Variants in COX7B2 observed in about 807,000 individuals in gnomAD.
COX7B2 encodes cytochrome c oxidase subunit 7B2.
For missense variants in COX7B2, 109 were observed against 95.9 expected (o/e 1.14, Z -0.57); for synonymous variants, 37 against 32.1 (o/e 1.15, Z -0.51).
chr4:46,896,032 A>G (rs1719736381), intron 1 of COX7B2, among the ~76,000 whole-genome samples: 1 of 152,220 alleles, frequency 6.6e-6, no homozygotes, highest in Non-Finnish European at 1.5e-5. Context: ...AGTTATTATT[A>G]AACACACAAA....
intron 1 of COX7B2, among the ~76,000 whole-genome samples, chr4:46,903,046 A>C (rs897284394): frequency 1.3e-5 from 2 of 152,196 alleles, no homozygotes. Flanking sequence ...AATTCCAAGA[A>C]TATAATTCTA....
intron 1 of COX7B2, among the ~76,000 whole-genome samples, chr4:46,864,210 C>T (rs1717503493): frequency 6.6e-6 from 1 of 152,168 alleles, no homozygotes; most frequent in Non-Finnish European, 1.5e-5. Context: ...TGTTAAGTAT[C>T]CCCACTGCCA....
At chr4:46,742,434 T>A (rs79759020) in intron 2 of COX7B2, among the ~76,000 whole-genome samples, 3,003 of 152,260 alleles carry the variant, frequency 0.02, 50 homozygotes, top group Non-Finnish European at 0.033. Context: ...AGGGATTAAG[T>A]GTACACGGTG....
chr4:46,812,820 C>G (rs1399477442), intron 2 of COX7B2, among the ~76,000 whole-genome samples: 1 of 152,146 alleles, frequency 6.6e-6, no homozygotes, highest in Non-Finnish European at 1.5e-5. Flanking sequence ...GTCAGCAGAG[C>G]CTCTGGATCA....
rs556860019 is a variant in COX7B2 at position 46,893,534 on chromosome 4, C to G, written c.-105+15626G>C. Among the ~76,000 whole-genome samples the G allele has an allele frequency of 5.3e-5, 8 of 152,204 alleles. 1 individual carries two copies. In the South Asian group the frequency reaches 1.7e-3, roughly 32 times the overall value. ...TAAATGTTTAAGAAATACATTCAGG[C>G]CTGAATGAGTTCTGTGGCAATAGCT... On this transcript the variant is annotated intron_variant, in intron 1 of 2. Transcript: ENST00000355591.
intron 2 of COX7B2, among the ~76,000 whole-genome samples, chr4:46,760,355 C>T (rs1168877734): frequency 1.3e-5 from 2 of 152,152 alleles, no homozygotes; most frequent in South Asian, 2.1e-4. Flanking sequence ...GGCACATATA[C>T]ACCATGGAAT....
intron 2 of COX7B2, among the ~76,000 whole-genome samples, chr4:46,764,974 C>G (rs1255133797): frequency 6.6e-6 from 1 of 151,716 alleles, no homozygotes; most frequent in Non-Finnish European, 1.5e-5. Context: ...AAGATAAATC[C>G]TTATTCTGAA....
In COX7B2 at chr4:46,872,547, G is replaced by A. The variant is rs145090338; in HGVS notation, c.-104-27533C>T. ...CAAGCAAAGCCAAGAACTATCCCAA[G>A]CTAAACTACAATTTGGGGGCTTACC... is the stretch of plus-strand genomic sequence containing the variant. On this transcript the variant is annotated intron_variant, in intron 1 of 2. Coordinates refer to ENST00000355591, the MANE Select transcript of COX7B2 (RefSeq NM_130902.3). Among the ~76,000 whole-genome samples, 553 of 152,210 alleles carry A rather than the reference G, an allele frequency of 3.6e-3. 4 individuals are homozygous for A. The highest frequency in any genetic ancestry group is 5.8e-3 in the Non-Finnish European group (395 of 67,996).
chr4:46,737,110 A>G (rs1714415630), intron 2 of COX7B2, among the ~76,000 whole-genome samples: 1 of 152,020 alleles, frequency 6.6e-6, no homozygotes, highest in African/African-American at 2.4e-5. Context: ...CCTGGCCAGC[A>G]TTTGATGTTG....
intron 2 of COX7B2, among the ~76,000 whole-genome samples, chr4:46,780,291 G>A (rs2109548216): frequency 6.6e-6 from 1 of 152,292 alleles, no homozygotes; most frequent in East Asian, 1.9e-4. Flanking sequence ...GCCGAAGCAG[G>A]TGGATCAGAA....
At chr4:46,763,145 AT>A (rs1337399405) in intron 2 of COX7B2, among the ~76,000 whole-genome samples, 3 of 111,756 alleles carry the variant, frequency 2.7e-5, no homozygotes, top group East Asian at 2.4e-4. Context: ...GTATAATTAT[AT>A]ATTATAATAT....
At chr4:46,786,822 C>T (rs1313691015) in intron 2 of COX7B2, among the ~76,000 whole-genome samples, 4 of 152,122 alleles carry the variant, frequency 2.6e-5, no homozygotes, top group African/African-American at 4.8e-5. Context: ...TAGTACAGAC[C>T]ATAGTTGGTC....
intron 1 of COX7B2, among the ~76,000 whole-genome samples, chr4:46,907,267 T>G (rs765843793): frequency 2.0e-5 from 3 of 152,196 alleles, no homozygotes; most frequent in African/African-American, 4.8e-5. Context: ...CTATGTCATT[T>G]CTCTTAAGCT....
intron 1 of COX7B2, among the ~76,000 whole-genome samples, chr4:46,865,526 T>C (rs1416580070): frequency 6.6e-6 from 1 of 152,182 alleles, no homozygotes; most frequent in Non-Finnish European, 1.5e-5. Flanking sequence ...GTGGTAAGAA[T>C]AGGAGTATCA....
intron 1 of COX7B2, among the ~76,000 whole-genome samples, chr4:46,870,946 A>T (rs1329857182): frequency 1.3e-5 from 2 of 152,094 alleles, no homozygotes; most frequent in Non-Finnish European, 2.9e-5. Context: ...TATTCCTATC[A>T]AACTATCAAT....
At chr4:46,836,857 C>A (rs1031170087) in intron 2 of COX7B2, among the ~76,000 whole-genome samples, 24 of 151,988 alleles carry the variant, frequency 1.6e-4, no homozygotes, top group African/African-American at 5.8e-4. Context: ...CGTCACTAGG[C>A]AATAGGTATT....
chr4:46,784,873 A>T (rs1470341490), intron 2 of COX7B2, among the ~76,000 whole-genome samples: 1 of 152,204 alleles, frequency 6.6e-6, no homozygotes, highest in African/African-American at 2.4e-5. Flanking sequence ...ATCATCACAT[A>T]TTAGCTCCTT....
intron 2 of COX7B2, among the ~76,000 whole-genome samples, chr4:46,750,573 G>GAATACC (rs1715309069): frequency 6.6e-6 from 1 of 152,100 alleles, no homozygotes; most frequent in South Asian, 2.1e-4. Context: ...AGTCAGGACA[G>GAATACC]AATACCACTC....
At chr4:46,871,485 A>C (rs1370792269) in intron 1 of COX7B2, among the ~76,000 whole-genome samples, 1 of 152,182 alleles carries the variant, frequency 6.6e-6, no homozygotes, top group Non-Finnish European at 1.5e-5. Context: ...AAAAATTCAC[A>C]AGTGGGATCT....
Sources: allele counts gnomAD v4.1 joint callset (sites outside exome capture counted in the v4.1 genomes callset), GRCh38; gene constraint gnomAD v4.1.1; transcripts MANE v1.5; gene names NCBI Gene and HGNC (gene_info 2026-07-23, HGNC 2026-07-21).